GNB4: variants seen among roughly 807,000 people sequenced by gnomAD.
GNB4 encodes guanine nucleotide-binding protein subunit beta-4.
GNB4 carries 28 observed loss-of-function variants against 45.2 expected under a neutral mutation model. The ratio of observed to expected loss-of-function variants is 0.62; its 90% CI spans 0.46 to 0.85. The LOEUF (loss-of-function observed/expected upper bound fraction) is 0.85, where lower values mean the gene tolerates loss of function less well. Among genes scored for constraint, GNB4 ranks in the 40% least tolerant of loss-of-function variants. The probability of loss-of-function intolerance (pLI) is 0.00; values close to 1 mark genes in which losing one functional copy is unlikely to be tolerated. For synonymous variants in GNB4, 132 were observed against 143.7 expected, an observed-to-expected ratio of 0.92 and a Z score of 0.58; for missense variants, 321 against 425.4, an observed-to-expected ratio of 0.75 and a Z score of 2.16.
In GNB4 at chr3:179,448,787, A is replaced by C. The variant is rs1040789686; in HGVS notation, c.-43+2559T>G. 3.9e-5 allele frequency among the ~76,000 whole-genome samples: 6 copies of C among 152,208 alleles called. No homozygotes were observed. The South Asian group carries it at 1.2e-3, about 31-fold the overall frequency. On this transcript the variant is annotated intron_variant, in intron 1 of 9. Coordinates refer to ENST00000232564, the MANE Select transcript of GNB4 (RefSeq NM_021629.4). Reference sequence around the variant, plus strand: ...ACGCTTCCTCAAGGTGAGGTAGAGAAATGAGGCAGGGCCAGACGCCGTGGC... The same window carrying C: ...ACGCTTCCTCAAGGTGAGGTAGAGACATGAGGCAGGGCCAGACGCCGTGGC...
chr3:179,496,740 C>T, the GNB4 span, among the ~76,000 whole-genome samples: 3 of 151,836 alleles, frequency 2.0e-5, no homozygotes, highest in Non-Finnish European at 4.4e-5. Context: ...TAACGGGAGA[C>T]AAAGAAGGTC....
At chr3:179,493,335 G>T in the GNB4 span, among the ~76,000 whole-genome samples, 1 of 151,814 alleles carries the variant, frequency 6.6e-6, no homozygotes, top group Non-Finnish European at 1.5e-5. Flanking sequence ...TGAAATTGAG[G>T]AAAACAATAC....
intron 3 of GNB4, among the ~76,000 whole-genome samples, chr3:179,420,061 G>C (rs1295790731): frequency 6.6e-6 from 1 of 150,754 alleles, no homozygotes; most frequent in Non-Finnish European, 1.5e-5. Flanking sequence ...AAAAGAATCA[G>C]AAACTATTTA....
chr3:179,442,018 GC>G (rs1445634833), intron 1 of GNB4, among the ~76,000 whole-genome samples: 2 of 152,108 alleles, frequency 1.3e-5, no homozygotes, highest in Non-Finnish European at 2.9e-5. Flanking sequence ...TGTTGGTCAG[GC>G]TGATCTCAAA....
the GNB4 span, among the ~76,000 whole-genome samples, chr3:179,489,002 A>T: frequency 3.7e-3 from 137 of 36,568 alleles, 7 homozygotes; most frequent in Non-Finnish European, 5.6e-3. Flanking sequence ...AAAAAAAAAA[A>T]AAAAAAAAAA....
intron 7 of GNB4, 42 bp from the exon 8 acceptor site, chr3:179,413,655 A>C: frequency 6.2e-7 from 1 of 1,611,258 alleles, no homozygotes; most frequent in Non-Finnish European, 8.5e-7. Context: ...ACTTCTTCTT[A>C]TGTCAGTTCC....
intron 1 of GNB4, among the ~76,000 whole-genome samples, chr3:179,442,240 G>A (rs1427846591): frequency 6.6e-6 from 1 of 152,102 alleles, no homozygotes; most frequent in Non-Finnish European, 1.5e-5. Context: ...AACATACTAA[G>A]GATTTCTCTT....
intron 2 of GNB4, among the ~76,000 whole-genome samples, chr3:179,423,068 G>A (rs979306769): frequency 1.3e-5 from 2 of 152,128 alleles, no homozygotes; most frequent in Admixed American, 6.6e-5. Context: ...TGGGATTACA[G>A]GTGTGAGCCA....
chr3:179,522,678 T>A, the GNB4 span, among the ~76,000 whole-genome samples: 1 of 151,968 alleles, frequency 6.6e-6, no homozygotes, highest in African/African-American at 2.4e-5. Flanking sequence ...CCTGGTGGAA[T>A]TGCCATCAAT....
rs1320581722 is a variant in GNB4, at chr3:179,398,550, T to TG, written c.*2662dup. On this transcript the variant is annotated 3_prime_UTR_variant, in exon 10 of 10. Coordinates refer to ENST00000232564, the MANE Select transcript of GNB4 (RefSeq NM_021629.4). ...AAAAAAAAAAAAAAGGAACATTAAC[T>TG]GCAATATTCTTGATGATGCAAATTT... 6.7e-6 allele frequency: 1 copy of TG among 149,970 alleles called. No individual in the cohort carries two copies. The highest frequency in any genetic ancestry group is 1.5e-5 in the Non-Finnish European group (1 of 67,702). The allele number at this position is 149,970 out of a possible 1,614,324, so 9.3% of individuals were successfully genotyped here.
the GNB4 span, among the ~76,000 whole-genome samples, chr3:179,490,529 G>A: frequency 2.6e-5 from 4 of 152,266 alleles, no homozygotes; most frequent in Non-Finnish European, 5.9e-5. Flanking sequence ...GCAAGCTGGA[G>A]ACCCTGGAAT....
At chr3:179,453,695 T>C (rs1715937303), upstream of GNB4, among the ~76,000 whole-genome samples, 1 of 152,138 alleles carries the variant, frequency 6.6e-6, no homozygotes, top group Admixed American at 6.5e-5. Context: ...AAGAATGATA[T>C]CGTCAATCTT....
chr3:179,473,841 C>T, the GNB4 span, among the ~76,000 whole-genome samples: 2 of 152,124 alleles, frequency 1.3e-5, no homozygotes, highest in Admixed American at 1.3e-4. Context: ...TTCAAGAGTG[C>T]AATTGTGCTA....
At chr3:179,509,180 C>G in the GNB4 span, among the ~76,000 whole-genome samples, 12 of 151,088 alleles carry the variant, frequency 7.9e-5, no homozygotes, top group African/African-American at 2.9e-4. Flanking sequence ...CACACACACA[C>G]ACACACACAC....
chr3:179,401,869 C>T (rs1577023541), intron 9 of GNB4, among the ~76,000 whole-genome samples: 1 of 152,168 alleles, frequency 6.6e-6, no homozygotes, highest in African/African-American at 2.4e-5. Context: ...CTTTCTGAAA[C>T]CATGAAACTC....
chr3:179,475,579 T>C, the GNB4 span, among the ~76,000 whole-genome samples: 2 of 152,102 alleles, frequency 1.3e-5, no homozygotes, highest in Admixed American at 6.5e-5. Flanking sequence ...TTCAAGTGAT[T>C]CTCCTGCCTC....
chr3:179,524,624 T>C, the GNB4 span, among the ~76,000 whole-genome samples: 37 of 152,046 alleles, frequency 2.4e-4, no homozygotes, highest in Admixed American at 2.4e-3. Flanking sequence ...CGGGAGCTGA[T>C]TGGGTAATAA....
In GNB4 at chr3:179,449,520, T is replaced by C. The variant is rs150471559; in HGVS notation, c.-43+1826A>G. 9.2e-5 allele frequency among the ~76,000 whole-genome samples: 14 copies of C among 152,286 alleles called. No homozygotes were observed. The East Asian group carries it at 2.7e-3, about 29-fold the overall frequency. Reference sequence around the variant, plus strand: ...TTAATATGGCTCAGGGGAAAGAACATGGACTTTGGAAACAGAGGGGTCTTG... The same window carrying C: ...TTAATATGGCTCAGGGGAAAGAACACGGACTTTGGAAACAGAGGGGTCTTG... On this transcript the variant is annotated intron_variant, in intron 1 of 9. Coordinates refer to ENST00000232564, the MANE Select transcript of GNB4 (RefSeq NM_021629.4).
the GNB4 span, among the ~76,000 whole-genome samples, chr3:179,465,976 G>T: frequency 6.8e-6 from 1 of 147,960 alleles, no homozygotes; most frequent in Non-Finnish European, 1.5e-5. Flanking sequence ...GGTTTAAAGA[G>T]CATTGGAGAA....
Sources: allele counts gnomAD v4.1 joint callset (sites outside exome capture counted in the v4.1 genomes callset), GRCh38; gene constraint gnomAD v4.1.1; transcripts MANE v1.5; gene names NCBI Gene and HGNC (gene_info 2026-07-23, HGNC 2026-07-21).